ZFP82: variants seen among roughly 807,000 people sequenced by gnomAD.
ZFP82 encodes the protein zinc finger protein 82 homolog.
In ZFP82, 30 loss-of-function variants were observed where a neutral mutation model predicts 54.0. The observed-to-expected ratio is 0.56, with a 90% CI of 0.42 to 0.75. The LOEUF (loss-of-function observed/expected upper bound fraction) is 0.75, where lower values mean the gene tolerates loss of function less well. Ranked by LOEUF, ZFP82 falls within the 30% of genes least tolerant of loss-of-function variation. The pLI is 0.00. For missense variants in ZFP82, 500 were observed against 636.8 expected (o/e 0.79, Z 2.31); for synonymous variants, 194 against 209.5 (o/e 0.93, Z 0.64).
At chr19:36,404,004 C>G (rs1363757593) in intron 4 of ZFP82, among the ~76,000 whole-genome samples, 2 of 152,174 alleles carry the variant, frequency 1.3e-5, no homozygotes, top group African/African-American at 4.8e-5. Context: ...ACTCTGCTTA[C>G]TTTTCTTCAT....
At position 36,393,072 on chromosome 19, in the gene ZFP82, T is replaced by G; in HGVS notation, c.1268A>C (p.Asp423Ala). The G allele has an allele frequency of 6.2e-7, 1 of 1,614,092 alleles. No homozygotes were observed. Among genetic ancestry groups the G allele is most frequent in the Non-Finnish European group, 8.5e-7 (1 of 1,180,008 alleles). ...QSIHIGVKPY[D>A]CKECGKAFRL... Reference sequence around the variant, plus strand: ...GAAGGCCTTCCCGCATTCCTTACAGTCATAGGGCTTAACACCAATATGAAT... The same window carrying G: ...GAAGGCCTTCCCGCATTCCTTACAGGCATAGGGCTTAACACCAATATGAAT... Residue 423 changes from aspartate to alanine, a missense_variant, in exon 5 of 5, where the codon GAC becomes GCC. By Grantham distance (126) the Asp-to-Ala change is moderately radical. Coordinates refer to ENST00000392161, the MANE Select transcript of ZFP82 (RefSeq NM_133466.4).
chr19:36,388,231 T>G (rs1568480687), downstream of ZFP82, among the ~76,000 whole-genome samples: 2 of 152,328 alleles, frequency 1.3e-5, no homozygotes, highest in East Asian at 3.9e-4. Context: ...TTACTGATAC[T>G]TTTTTGCGAA....
At chr19:36,388,187 T>C (rs954480251), downstream of ZFP82, among the ~76,000 whole-genome samples, 1 of 152,136 alleles carries the variant, frequency 6.6e-6, no homozygotes, top group African/African-American at 2.4e-5. Flanking sequence ...CATTTTATGT[T>C]TTATAATTGT....
At chr19:36,410,926 C>T (rs1421817255) in intron 1 of ZFP82, among the ~76,000 whole-genome samples, 1 of 151,968 alleles carries the variant, frequency 6.6e-6, no homozygotes, top group Admixed American at 6.6e-5. Context: ...GGCGAGATGG[C>T]TCACGCCTAT....
intron 1 of ZFP82, 29 bp from the exon 2 acceptor site, chr19:36,409,896 T>A: frequency 8.5e-7 from 1 of 1,177,478 alleles, no homozygotes; most frequent in Non-Finnish European, 1.3e-6. Flanking sequence ...GGCCATGAGA[T>A]CAGATGGACC....
Position 36,392,812 on chromosome 19 carries a change from C to T in ZFP82, c.1528G>A (p.Glu510Lys). The stretch of plus-strand genomic sequence containing the variant: ...TGTTGCCTAAAGGCCTTCTTACATT[C>T]CTTACATTCATAGGGTTTCTCACCA... ...HSGEKPYECK[E>K]CKKAFRQHSH... Residue 510 changes from glutamate to lysine, a missense_variant, in exon 5 of 5, where the codon GAA (glutamate) becomes AAA (lysine). Glu to Lys is a moderately conservative substitution (Grantham distance 56). Transcript: ENST00000392161. 1 of 1,612,264 alleles carries T rather than the reference C, an allele frequency of 6.2e-7. No homozygotes were observed.
In ZFP82 at chr19:36,389,740, T is replaced by A; in HGVS notation, c.*3001A>T. On this transcript the variant is annotated 3_prime_UTR_variant, in exon 5 of 5. Coordinates refer to ENST00000392161, the MANE Select transcript of ZFP82 (RefSeq NM_133466.4). ...ACTATGTTTTCTTTATTTTCTGTAT[T>A]CCTGATGCTCTGGCCACTTGGGGCC... Among the ~76,000 whole-genome samples the A allele has an allele frequency of 6.6e-6, 1 of 152,230 alleles. No homozygotes were observed. The highest frequency in any genetic ancestry group is 6.5e-5 in the Admixed American group (1 of 15,284).
At chr19:36,411,600 G>A (rs1444153724) in intron 1 of ZFP82, among the ~76,000 whole-genome samples, 1 of 152,112 alleles carries the variant, frequency 6.6e-6, no homozygotes, top group Non-Finnish European at 1.5e-5. Context: ...ACAGTATGTT[G>A]ACCTTGTTCA....
Position 36,391,879 on chromosome 19 carries a change from T to A in ZFP82, c.*862A>T, listed in dbSNP as rs181006398. ...AAGATTAAATGTTGGTGGAAGGCAT[T>A]TCTATACTCATTATGCCCACAGCCT... is the stretch of plus-strand genomic sequence containing the variant. On this transcript the variant is annotated 3_prime_UTR_variant, in exon 5 of 5. Coordinates refer to ENST00000392161, the MANE Select transcript of ZFP82 (RefSeq NM_133466.4). 6.6e-5 allele frequency: 10 copies of A among 152,334 alleles called. No individual in the cohort carries two copies. The highest frequency in any genetic ancestry group is 2.4e-4 in the African/African-American group (10 of 41,588). 9.4% of individuals were successfully genotyped at this position (152,334 alleles called of 1,614,324 possible).
chr19:36,401,088 G>A (rs2032376654), intron 4 of ZFP82, among the ~76,000 whole-genome samples: 1 of 146,210 alleles, frequency 6.8e-6, no homozygotes, highest in Non-Finnish European at 1.5e-5. Context: ...TTTTTTTAGT[G>A]GCTGCTCCTT....
At position 36,393,443 on chromosome 19, in the gene ZFP82, C is replaced by A; in HGVS notation, c.897G>T (p.Arg299=). 6.2e-7 allele frequency: 1 copy of A among 1,613,390 alleles called. No individual in the cohort carries two copies. Among genetic ancestry groups the A allele is most frequent in the Middle Eastern group, 1.7e-4 (1 of 6,056 alleles). The change falls in exon 5 of 5, where the codon CGG becomes CGT. Residue 299 remains arginine (R), a synonymous_variant. Coordinates refer to ENST00000392161, the MANE Select transcript of ZFP82 (RefSeq NM_133466.4). ...KAFRQYAHLT[R]HQKLNSADRL... is the part of the protein sequence containing the mutation. The stretch of plus-strand genomic sequence containing the variant: ...TGTCAGCACTATTAAGCTTCTGATG[C>A]CGAGTCAGGTGTGCGTACTGTCTAA...
intron 1 of ZFP82, among the ~76,000 whole-genome samples, chr19:36,411,096 G>A (rs2032571856): frequency 1.5e-5 from 2 of 136,660 alleles, no homozygotes; most frequent in Non-Finnish European, 3.3e-5. Flanking sequence ...GGGAGGCTGA[G>A]GGAGGAGAAT....
At chr19:36,414,245 T>A (rs1036594523) in intron 1 of ZFP82, among the ~76,000 whole-genome samples, 1 of 152,112 alleles carries the variant, frequency 6.6e-6, no homozygotes, top group Non-Finnish European at 1.5e-5. Flanking sequence ...ATAAATTATC[T>A]TTAACAATTT....
intron 4 of ZFP82, among the ~76,000 whole-genome samples, chr19:36,405,133 G>A (rs1253848167): frequency 6.7e-6 from 1 of 149,404 alleles, no homozygotes; most frequent in Non-Finnish European, 1.5e-5. Flanking sequence ...GCAGTGAGCC[G>A]AGATTGTGCC....
At chr19:36,383,865 T>A (rs759472733), downstream of ZFP82, 7 of 152,120 alleles carry the variant, frequency 4.6e-5, no homozygotes, top group Non-Finnish European at 1.0e-4. Flanking sequence ...AAAAGCTTTT[T>A]TAAAGGAACA....
intron 3 of ZFP82, among the ~76,000 whole-genome samples, chr19:36,407,120 A>G (rs1177072746): frequency 1.6e-5 from 2 of 125,930 alleles, no homozygotes; most frequent in African/African-American, 6.2e-5. Flanking sequence ...TCTGTCGCCC[A>G]GGCTGGAGTG....
intron 4 of ZFP82, among the ~76,000 whole-genome samples, chr19:36,404,906 G>A (rs1188921036): frequency 2.0e-5 from 3 of 152,166 alleles, no homozygotes; most frequent in African/African-American, 7.2e-5. Flanking sequence ...AAGAGGGGCT[G>A]GGCACAGTGG....
intron 3 of ZFP82, among the ~76,000 whole-genome samples, chr19:36,407,287 G>A (rs1463143217): frequency 6.6e-6 from 1 of 151,074 alleles, no homozygotes; most frequent in African/African-American, 2.4e-5. Flanking sequence ...CGTTTTAGCC[G>A]GGATGGTCTC....
At chr19:36,417,613 C>G (rs2032694930) in intron 1 of ZFP82, among the ~76,000 whole-genome samples, 1 of 152,142 alleles carries the variant, frequency 6.6e-6, no homozygotes, top group Admixed American at 6.5e-5. Context: ...TCTTGCAGCC[C>G]AGCCTCGCAT....
Sources: allele counts gnomAD v4.1 joint callset (sites outside exome capture counted in the v4.1 genomes callset), GRCh38; gene constraint gnomAD v4.1.1; transcripts MANE v1.5; gene names NCBI Gene and HGNC (gene_info 2026-07-23, HGNC 2026-07-21).